EPM2A: variants seen among roughly 807,000 people sequenced by gnomAD.
EPM2A encodes laforin.
A neutral mutation model predicts 26.5 loss-of-function variants in EPM2A; 21 were observed. The observed-to-expected ratio is 0.79, with a 90% CI of 0.56 to 1.14. The LOEUF (loss-of-function observed/expected upper bound fraction) is 1.14, where lower values mean the gene tolerates loss of function less well. Ranked by LOEUF, EPM2A falls within the 50% of genes most tolerant of loss-of-function variation. EPM2A has a pLI of 0.00. For missense variants in EPM2A, 458 were observed against 440.8 expected (o/e 1.04, Z -0.35); for synonymous variants, 217 against 177.6 (o/e 1.22, Z -1.76).
At chr6:145,619,652 G>A (rs180963159) in intron 2 of EPM2A, among the ~76,000 whole-genome samples, 2 of 152,192 alleles carry the variant, frequency 1.3e-5, no homozygotes, top group Admixed American at 6.5e-5. Context: ...GTAATCATAG[G>A]TCTGTCCGGC....
chr6:145,616,960 T>C (rs2128553098), intron 2 of EPM2A, among the ~76,000 whole-genome samples: 1 of 152,270 alleles, frequency 6.6e-6, no homozygotes, highest in South Asian at 2.1e-4. Context: ...CTGTGGACTT[T>C]TGAGTTAATG....
At chr6:145,572,115 C>T (rs1448815064) in intron 2 of EPM2A, among the ~76,000 whole-genome samples, 1 of 152,158 alleles carries the variant, frequency 6.6e-6, no homozygotes, top group Non-Finnish European at 1.5e-5. Flanking sequence ...AATGCACAAC[C>T]AGGCGCACTG....
intron 1 of EPM2A, among the ~76,000 whole-genome samples, chr6:145,722,966 G>C (rs528743274): frequency 3.0e-4 from 45 of 152,262 alleles, no homozygotes; most frequent in Admixed American, 2.0e-4. Context: ...CAGATCTGTG[G>C]AACCATAAAT....
chr6:145,532,945 C>T (rs150508142), intron 2 of EPM2A, among the ~76,000 whole-genome samples: 1 of 152,212 alleles, frequency 6.6e-6, no homozygotes, highest in Non-Finnish European at 1.5e-5. Flanking sequence ...TACAATTTGT[C>T]CCTTGATGAC....
chr6:145,482,381 G>T (rs1032358787), intron 4 of EPM2A, among the ~76,000 whole-genome samples: 1 of 152,074 alleles, frequency 6.6e-6, no homozygotes, highest in South Asian at 2.1e-4. Flanking sequence ...TTAGTGCCTG[G>T]AATATATGAT....
At chr6:145,654,035 A>G (rs1019506812) in intron 2 of EPM2A, among the ~76,000 whole-genome samples, 2 of 152,166 alleles carry the variant, frequency 1.3e-5, no homozygotes, top group African/African-American at 4.8e-5. Context: ...TTAATGCCTT[A>G]TCATTTTAAG....
intron 2 of EPM2A, chr6:145,639,878 T>C: frequency 6.6e-6 from 1 of 152,196 alleles, no homozygotes; most frequent in East Asian, 1.9e-4. Flanking sequence ...TAACTAGGGT[T>C]TTGACTATTT....
At chr6:145,458,782 G>A (rs1024022296) in intron 4 of EPM2A, among the ~76,000 whole-genome samples, 2 of 131,938 alleles carry the variant, frequency 1.5e-5, no homozygotes, top group African/African-American at 2.9e-5. Context: ...TGTTGCTGTT[G>A]CCAGGCAATT....
At chr6:145,520,034 T>C (rs1314750029) in intron 2 of EPM2A, among the ~76,000 whole-genome samples, 1 of 152,120 alleles carries the variant, frequency 6.6e-6, no homozygotes, top group African/African-American at 2.4e-5. Flanking sequence ...TTAAGATTAG[T>C]TTTCCTTCCC....
intron 2 of EPM2A, chr6:145,640,160 G>A (rs1402362320): frequency 1.3e-5 from 2 of 152,206 alleles, no homozygotes; most frequent in Non-Finnish European, 2.9e-5. Flanking sequence ...TCAACTGTCA[G>A]TCAAAGGAAG....
intron 2 of EPM2A, among the ~76,000 whole-genome samples, chr6:145,547,910 T>A (rs934519397): frequency 2.0e-5 from 3 of 152,094 alleles, no homozygotes; most frequent in Non-Finnish European, 4.4e-5. Flanking sequence ...ATGATAATAA[T>A]GCATGATTTT....
At chr6:145,658,770 T>C (rs940935035) in intron 2 of EPM2A, among the ~76,000 whole-genome samples, 1 of 152,196 alleles carries the variant, frequency 6.6e-6, no homozygotes. Context: ...ATCTCAAAAA[T>C]GGTTTTGATT....
At chr6:145,687,243 C>T (rs909257325) in intron 1 of EPM2A, among the ~76,000 whole-genome samples, 2 of 151,534 alleles carry the variant, frequency 1.3e-5, no homozygotes, top group Non-Finnish European at 2.9e-5. Flanking sequence ...TGAAAGAAAC[C>T]CCTTGCTCTG....
intron 2 of EPM2A, among the ~76,000 whole-genome samples, chr6:145,528,809 T>C (rs1320733174): frequency 6.6e-6 from 1 of 152,150 alleles, no homozygotes; most frequent in Non-Finnish European, 1.5e-5. Flanking sequence ...AAATGGTGAT[T>C]CCTCTGATGG....
chr6:145,664,250 G>A (rs1308383308), intron 2 of EPM2A, among the ~76,000 whole-genome samples: 1 of 86,632 alleles, frequency 1.2e-5, no homozygotes, highest in African/African-American at 5.1e-5. Flanking sequence ...CCATCAGTGT[G>A]CTGTATTCAG....
chr6:145,629,103 G>C (rs1035870055), intron 3 of EPM2A: 1 of 152,270 alleles, frequency 6.6e-6, no homozygotes, highest in Non-Finnish European at 1.5e-5. Context: ...TAACCCCCTA[G>C]TGAAGAGATC....
At chr6:145,418,501 G>GCT (rs1356851168) in intron 4 of EPM2A, among the ~76,000 whole-genome samples, 2 of 152,182 alleles carry the variant, frequency 1.3e-5, no homozygotes, top group Non-Finnish European at 2.9e-5. Flanking sequence ...AGGACTGTTT[G>GCT]TCACAGAGGA....
intron 4 of EPM2A, among the ~76,000 whole-genome samples, chr6:145,449,805 C>T (rs1448031107): frequency 6.6e-6 from 1 of 152,022 alleles, no homozygotes; most frequent in Non-Finnish European, 1.5e-5. Flanking sequence ...TTGATGTTTG[C>T]ATATATTATT....
chr6:145,609,982 C>T (rs192547304), intron 2 of EPM2A, among the ~76,000 whole-genome samples: 30 of 152,090 alleles, frequency 2.0e-4, no homozygotes, highest in African/African-American at 6.0e-4. Context: ...TTTGGGAGGC[C>T]GAGGCAGTTG....
Sources: allele counts gnomAD v4.1 joint callset (sites outside exome capture counted in the v4.1 genomes callset), GRCh38; gene constraint gnomAD v4.1.1; transcripts MANE v1.5; gene names NCBI Gene and HGNC (gene_info 2026-07-23, HGNC 2026-07-21).